Variants in TIAL1 observed in about 807,000 individuals in gnomAD.
TIAL1 encodes the protein nucleolysin TIAR.
A neutral mutation model predicts 59.7 loss-of-function variants in TIAL1; 7 were observed. The ratio of observed to expected loss-of-function variants is 0.12; its 90% CI spans 0.07 to 0.22. The LOEUF is 0.22. Among genes scored for constraint, TIAL1 ranks in the 10% least tolerant of loss-of-function variants. The probability of loss-of-function intolerance (pLI) is 1.00; values close to 1 mark genes in which losing one functional copy is unlikely to be tolerated. For missense variants in TIAL1, 225 were observed against 462.5 expected (o/e 0.49, Z 4.71); for synonymous variants, 149 against 146.3 (o/e 1.02, Z -0.13).
Position 119,582,275 on chromosome 10 carries a change from A to T in TIAL1, c.229-52T>A, listed in dbSNP as rs1399995491. Reference sequence around the variant, plus strand: ...AATTATTAGGCATGTCATGAGTTACAACACTTACCACTTATTAAATCATTT... The same window carrying T: ...AATTATTAGGCATGTCATGAGTTACTACACTTACCACTTATTAAATCATTT... On this transcript the variant is annotated intron_variant, in intron 3 of 11. Coordinates refer to ENST00000436547, the MANE Select transcript of TIAL1 (RefSeq NM_003252.4). This position sits in a 1 kb window ranked among gnomAD's most constrained non-coding sequence, Gnocchi z 5.1. 1 of 1,507,844 alleles carries T rather than the reference A, an allele frequency of 6.6e-7. No homozygotes were observed. The highest frequency in any genetic ancestry group is 9.0e-7 in the Non-Finnish European group (1 of 1,110,626). The allele number at this position is 1,507,844 out of a possible 1,614,324, so 93.4% of individuals were successfully genotyped here.
chr10:119,579,879 G>A, intron 6 of TIAL1, 56 bp downstream of exon 6: 2 of 1,380,044 alleles, frequency 1.4e-6, no homozygotes. Flanking sequence ...AATACATTAA[G>A]TAACTAATGA....
intron 2 of TIAL1, among the ~76,000 whole-genome samples, chr10:119,587,124 C>A (rs776980444): frequency 4.6e-5 from 7 of 152,216 alleles, no homozygotes; most frequent in African/African-American, 7.2e-5. Flanking sequence ...AAGGCCAATG[C>A]ACTTTAAAGG....
At chr10:119,588,402 G>A (rs1005872261) in intron 1 of TIAL1, 154 bp from the exon 2 acceptor site, 10 of 449,708 alleles carry the variant, frequency 2.2e-5, no homozygotes, top group Admixed American at 1.5e-4. Flanking sequence ...GGAGTGCAAT[G>A]GCATGATCTC....
At chr10:119,590,762 G>GAAAGAA (rs1845818266) in intron 1 of TIAL1, among the ~76,000 whole-genome samples, 6 of 125,292 alleles carry the variant, frequency 4.8e-5, no homozygotes, top group South Asian at 2.6e-4. Context: ...GAGAGAAAGA[G>GAAAGAA]AGAAAGAAAG....
Position 119,582,343 on chromosome 10 carries a change from G to C in TIAL1, c.228+116C>G, listed in dbSNP as rs542473057. 7.4e-6 allele frequency: 11 copies of C among 1,477,060 alleles called. No homozygotes were observed. The Admixed American group carries it at 2.3e-4, about 30-fold the overall frequency. 91.5% of individuals were successfully genotyped at this position (1,477,060 alleles called of 1,614,324 possible). A position where few individuals can be genotyped will look rare whatever the true frequency, so the allele number is the denominator to read the frequency against. ...TTGTAAAAGCACTAAGCTGAATAAA[G>C]CAAAACCATCACTCAGCAGCCGAAT... On this transcript the variant is annotated intron_variant, in intron 3 of 11. Transcript: ENST00000436547. This position sits in a 1 kb window ranked among gnomAD's most constrained non-coding sequence, Gnocchi z 5.1.
Position 119,574,505 on chromosome 10 carries a change from T to C in TIAL1, c.*1160A>G, listed in dbSNP as rs994339022. The C allele has an allele frequency of 6.6e-6, 1 of 150,934 alleles. No individual in the cohort carries two copies. Among genetic ancestry groups the C allele is most frequent in the East Asian group, 1.9e-4 (1 of 5,158 alleles). The allele number at this position is 150,934 out of a possible 1,614,324, so 9.3% of individuals were successfully genotyped here. On this transcript the variant is annotated 3_prime_UTR_variant, in exon 12 of 12. Coordinates refer to ENST00000436547, the MANE Select transcript of TIAL1 (RefSeq NM_003252.4). The stretch of plus-strand genomic sequence containing the variant: ...ACACCCCAAGATTTTTAAAAAACAC[T>C]TGTACTATACAACTTATAGTAACCT...
intron 7 of TIAL1, 95 bp from the exon 8 acceptor site, chr10:119,577,831 C>T (rs1190469505): frequency 8.9e-6 from 10 of 1,118,734 alleles, no homozygotes; most frequent in Middle Eastern, 2.3e-4. Flanking sequence ...TGCCTCAGGC[C>T]GGGCACCCAG....
chr10:119,588,331 CTTT>C (rs1845673984), intron 1 of TIAL1, 83 bp from the exon 2 acceptor site: 2 of 71,848 alleles, frequency 2.8e-5, no homozygotes, highest in Non-Finnish European at 4.4e-5. Flanking sequence ...ATCACCTTTT[CTTT>C]CTTTCTTTCT....
At chr10:119,576,039 T>G (rs1448028861) in intron 11 of TIAL1, among the ~76,000 whole-genome samples, 1 of 152,130 alleles carries the variant, frequency 6.6e-6, no homozygotes, top group East Asian at 1.9e-4. Flanking sequence ...GCAAACTAAT[T>G]TTTTAAAAAT....
chr10:119,582,731 C>T lies in TIAL1; in HGVS notation c.130-174G>A. 1.1e-6 allele frequency: 1 copy of T among 914,250 alleles called. No homozygotes were observed. Among genetic ancestry groups the T allele is most frequent in the Non-Finnish European group, 1.5e-6 (1 of 655,362 alleles). The allele number at this position is 914,250 out of a possible 1,614,324, so 56.6% of individuals were successfully genotyped here. ...TTTAAAGCTAAACCTGACTTTGCACCTCAGAATACTGCTGAACTCAAACGG... is the reference window on the plus strand; with the variant it reads ...TTTAAAGCTAAACCTGACTTTGCACTTCAGAATACTGCTGAACTCAAACGG... On this transcript the variant is annotated intron_variant, in intron 2 of 11. Transcript: ENST00000436547. This position sits in a 1 kb window ranked among gnomAD's most constrained non-coding sequence, Gnocchi z 5.1.
In TIAL1 at chr10:119,573,794, G is replaced by C. The variant is rs754006863; in HGVS notation, c.*1871C>G. On this transcript the variant is annotated 3_prime_UTR_variant, in exon 12 of 12. Transcript: ENST00000436547. Reference sequence around the variant, plus strand: ...AATAAGGGTATATTTTATAACAGAAGAGTGTAATAGATGACCATTATGGTA... The same window carrying C: ...AATAAGGGTATATTTTATAACAGAACAGTGTAATAGATGACCATTATGGTA... 1 of 152,098 alleles carries C rather than the reference G, an allele frequency of 6.6e-6. No homozygotes were observed. The highest frequency in any genetic ancestry group is 1.5e-5 in the Non-Finnish European group (1 of 68,018). 9.4% of individuals were successfully genotyped at this position (152,098 alleles called of 1,614,324 possible).
chr10:119,578,805 G>A lies in TIAL1; in HGVS notation c.477C>T (p.Gly159=), dbSNP rs374947138. Residue 159 remains glycine (G), a synonymous_variant, in exon 7 of 12, where the codon GGC becomes GGT. Transcript: ENST00000436547. ...LDAENAIVHM[G]GQWLGGRQIR... is the part of the protein sequence containing the mutation. ...TTTGACGACCACCCAACCACTGACC[G>A]CCCATATGCACAATCGCATTTTCTG... The A allele has an allele frequency of 1.1e-4, 175 of 1,613,934 alleles. 1 individual carries two copies. Among genetic ancestry groups the A allele is most frequent in the Non-Finnish European group, 1.3e-4 (157 of 1,179,994 alleles).
At chr10:119,596,326 G>T (rs1846188003) in intron 1 of TIAL1, 108 bp downstream of exon 1, 1 of 1,272,642 alleles carries the variant, frequency 7.9e-7, no homozygotes, top group Non-Finnish European at 1.1e-6. Context: ...CCTGGTCAGG[G>T]AGCCGCCTAG....
intron 9 of TIAL1, 40 bp from the exon 10 acceptor site, chr10:119,577,243 T>G: frequency 1.9e-6 from 3 of 1,570,616 alleles, no homozygotes; most frequent in Non-Finnish European, 2.6e-6. Flanking sequence ...TTTTATTTTT[T>G]AAGAACCTAA....
At chr10:119,578,670 T>C in intron 7 of TIAL1, 56 bp downstream of exon 7, 2 of 1,391,764 alleles carry the variant, frequency 1.4e-6, no homozygotes, top group Non-Finnish European at 2.0e-6. Context: ...GATGAATACA[T>C]GATACATGAT....
chr10:119,593,813 T>C (rs1021310631), intron 1 of TIAL1, among the ~76,000 whole-genome samples: 6 of 152,192 alleles, frequency 3.9e-5, no homozygotes, highest in African/African-American at 7.2e-5. Context: ...AAATCCCAAT[T>C]GTTAAACATT....
intron 1 of TIAL1, among the ~76,000 whole-genome samples, chr10:119,595,160 A>G (rs769836203): frequency 1.3e-5 from 2 of 152,194 alleles, no homozygotes; most frequent in Non-Finnish European, 2.9e-5. Flanking sequence ...CTGAACATCT[A>G]TCTTCTTTAC....
At position 119,574,598 on chromosome 10, in the gene TIAL1, A is replaced by AAAAAAC. The variant is rs1844878101; in HGVS notation, c.*1066_*1067insGTTTTT. 6.6e-6 allele frequency: 1 copy of AAAAAAC among 150,558 alleles called. No homozygotes were observed. The highest frequency in any genetic ancestry group is 2.5e-5 in the African/African-American group (1 of 40,602). 9.3% of individuals were successfully genotyped at this position (150,558 alleles called of 1,614,324 possible). A position where few individuals can be genotyped will look rare whatever the true frequency, so the allele number is the denominator to read the frequency against. Reference sequence around the variant, plus strand: ...AAGTAATGTAAAGCAAAAAAAAAAAAAAAAAAAAACAAAAACAAAAAACTA... The same window carrying AAAAAAC: ...AAGTAATGTAAAGCAAAAAAAAAAAAAAAAACAAAAAAAAACAAAAACAAAAAACTA... On this transcript the variant is annotated 3_prime_UTR_variant, in exon 12 of 12. Transcript: ENST00000436547.
chr10:119,581,631 A>G (rs970494348), intron 5 of TIAL1: 4 of 240,978 alleles, frequency 1.7e-5, no homozygotes, highest in Admixed American at 1.5e-4. Context: ...GCTAGACTTT[A>G]TAAGTTTTAC....
Sources: allele counts gnomAD v4.1 joint callset (sites outside exome capture counted in the v4.1 genomes callset), GRCh38; gene constraint gnomAD v4.1.1; non-coding constraint Gnocchi (gnomAD v3.1); transcripts MANE v1.5; gene names NCBI Gene and HGNC (gene_info 2026-07-23, HGNC 2026-07-21).